The following UBE2Q2 variants were observed in gnomAD, a reference collection of about 807,000 sequenced individuals.
UBE2Q2 encodes ubiquitin-conjugating enzyme E2 Q2.
UBE2Q2 carries 54 observed loss-of-function variants against 59.9 expected under a neutral mutation model. That is an observed-to-expected ratio of 0.90 (90% CI 0.72 to 1.13). The LOEUF (loss-of-function observed/expected upper bound fraction) is 1.13. UBE2Q2 is among the 50% of genes most tolerant of loss of function. The probability of loss-of-function intolerance (pLI) is 0.00; values close to 1 mark genes in which losing one functional copy is unlikely to be tolerated. For synonymous variants in UBE2Q2, 165 were observed against 155.2 expected (o/e 1.06, Z -0.47); for missense variants, 433 against 441.9 (o/e 0.98, Z 0.18).
chr15:75,869,089 A>G, intron 4 of UBE2Q2, 79 bp downstream of exon 4: 2 of 1,183,838 alleles, frequency 1.7e-6, no homozygotes, highest in Non-Finnish European at 1.2e-6. Context: ...TCTTTTTTAT[A>G]GACTACTATT....
At chr15:75,852,040 A>AT (rs1212982994) in intron 1 of UBE2Q2, among the ~76,000 whole-genome samples, 4 of 151,682 alleles carry the variant, frequency 2.6e-5, no homozygotes, top group African/African-American at 4.8e-5. Context: ...TGCTTAGCTA[A>AT]TTTTTTTATT....
intron 3 of UBE2Q2, among the ~76,000 whole-genome samples, chr15:75,862,527 GA>G (rs1264202093): frequency 6.6e-6 from 1 of 150,918 alleles, no homozygotes; most frequent in Non-Finnish European, 1.5e-5. Flanking sequence ...CTAAAAGACT[GA>G]TTGGGAGGCT....
chr15:75,865,858 C>T (rs1387903564), intron 3 of UBE2Q2, among the ~76,000 whole-genome samples: 6 of 151,450 alleles, frequency 4.0e-5, no homozygotes, highest in Non-Finnish European at 8.8e-5. Context: ...TGGAGAGTGT[C>T]CCTTGAATAC....
chr15:75,858,474 AC>A (rs1394862878), intron 2 of UBE2Q2, among the ~76,000 whole-genome samples: 1 of 151,620 alleles, frequency 6.6e-6, no homozygotes, highest in African/African-American at 2.4e-5. Context: ...CTGTTCTCTG[AC>A]CCCCGCCCCC....
At chr15:75,868,907 A>T in intron 3 of UBE2Q2, 44 bp from the exon 4 acceptor site, 1 of 1,583,720 alleles carries the variant, frequency 6.3e-7, no homozygotes, top group Non-Finnish European at 8.7e-7. Flanking sequence ...CAGCCTGTGC[A>T]TATTTGTTCT....
chr15:75,895,476 C>G (rs1166140399), intron 11 of UBE2Q2, among the ~76,000 whole-genome samples: 3 of 151,910 alleles, frequency 2.0e-5, no homozygotes, highest in Non-Finnish European at 1.5e-5. Context: ...AGCCACCGTG[C>G]CTGGCCGGCT....
chr15:75,848,673 T>A (rs79007656), intron 1 of UBE2Q2, among the ~76,000 whole-genome samples: 3 of 151,718 alleles, frequency 2.0e-5, no homozygotes, highest in African/African-American at 7.3e-5. Flanking sequence ...TTTTTTTTTT[T>A]AATTTGGTTA....
rs1034928288 is a variant in UBE2Q2 at position 75,869,118 on chromosome 15, G to A, written c.447+108G>A. On this transcript the variant is annotated intron_variant, in intron 4 of 12. Coordinates refer to ENST00000267938, the MANE Select transcript of UBE2Q2 (RefSeq NM_173469.4). ...TACTATTAATGTGGAATAATTGAAA[G>A]CACATTGTGTTTGGAATGGAATATA... The A allele has an allele frequency of 4.3e-6, 4 of 927,890 alleles. No individual in the cohort carries two copies. The African/African-American group carries it at 6.7e-5, about 16-fold the overall frequency. The allele number at this position is 927,890 out of a possible 1,614,324, so 57.5% of individuals were successfully genotyped here. A position where few individuals can be genotyped will look rare whatever the true frequency, so the allele number is the denominator to read the frequency against.
At chr15:75,844,484 AGGT>A in intron 1 of UBE2Q2, 2 of 1,551,330 alleles carry the variant, frequency 1.3e-6, no homozygotes, top group African/African-American at 1.4e-5. Context: ...TCGTTGCGGC[AGGT>A]GGTGTTGAGT....
chr15:75,846,574 T>C (rs1165154566), intron 1 of UBE2Q2, among the ~76,000 whole-genome samples: 2 of 152,196 alleles, frequency 1.3e-5, no homozygotes, highest in African/African-American at 4.8e-5. Flanking sequence ...GGCTTGTTCA[T>C]GTCGATACCA....
At chr15:75,899,384 AT>A (rs769757879) in intron 12 of UBE2Q2, 42 bp from the exon 13 acceptor site, 21 of 1,465,058 alleles carry the variant, frequency 1.4e-5, no homozygotes, top group African/African-American at 2.9e-5. Context: ...CTTCTAATTT[AT>A]TTAAGAATTA....
At chr15:75,849,252 A>G (rs905546996) in intron 1 of UBE2Q2, among the ~76,000 whole-genome samples, 1 of 152,198 alleles carries the variant, frequency 6.6e-6, no homozygotes, top group African/African-American at 2.4e-5. Flanking sequence ...TCTCCACCCC[A>G]CATTTATTGA....
At chr15:75,873,912 C>T (rs1452600754) in intron 5 of UBE2Q2, among the ~76,000 whole-genome samples, 1 of 152,132 alleles carries the variant, frequency 6.6e-6, no homozygotes. Flanking sequence ...CCAGGCTGGT[C>T]TTGAACACCT....
chr15:75,867,561 C>G (rs1159732121), intron 3 of UBE2Q2, among the ~76,000 whole-genome samples: 2 of 152,104 alleles, frequency 1.3e-5, no homozygotes, highest in Non-Finnish European at 2.9e-5. Context: ...AGGACCAGGC[C>G]ACATCTTGAA....
In UBE2Q2 at chr15:75,895,716, GA is replaced by G. The variant is rs1209807933; in HGVS notation, c.1030-1276del. On this transcript the variant is annotated intron_variant, in intron 11 of 12. Transcript: ENST00000267938. ...TGGGAGTCCATCTAGTATATTGTCA[GA>G]AATCTACAAATGTTTGAAGTACTGC... Among the ~76,000 whole-genome samples the G allele has an allele frequency of 2.0e-5, 3 of 152,128 alleles. No homozygotes were observed. In the East Asian group the frequency reaches 5.8e-4, roughly 29 times the overall value.
chr15:75,884,055 A>G (rs755687269), intron 9 of UBE2Q2, among the ~76,000 whole-genome samples: 2 of 152,190 alleles, frequency 1.3e-5, no homozygotes, highest in Non-Finnish European at 2.9e-5. Context: ...TCCTAGAGGT[A>G]ATACTTGCAG....
At chr15:75,863,674 C>T (rs1406232943) in intron 3 of UBE2Q2, among the ~76,000 whole-genome samples, 17 of 144,126 alleles carry the variant, frequency 1.2e-4, no homozygotes, top group African/African-American at 3.4e-4. Context: ...GTTGGAGTCT[C>T]GCCTGTCGCC....
intron 3 of UBE2Q2, among the ~76,000 whole-genome samples, chr15:75,863,430 GT>G (rs1040995968): frequency 1.3e-5 from 2 of 150,714 alleles, no homozygotes. Context: ...TTTTCCTTCT[GT>G]TTTTTTTGTT....
chr15:75,884,836 A>G (rs1347588659), intron 9 of UBE2Q2, among the ~76,000 whole-genome samples: 1 of 151,730 alleles, frequency 6.6e-6, no homozygotes, highest in African/African-American at 2.4e-5. Context: ...TTTGGTAGAG[A>G]TGGTGTTTTG....
Sources: gnomAD v4.1 joint callset for allele counts (sites outside exome capture counted in the v4.1 genomes callset) on GRCh38, gnomAD v4.1.1 for gene constraint, MANE v1.5 for transcripts, NCBI Gene and HGNC (gene_info 2026-07-23, HGNC 2026-07-21) for gene names.